VWA8: variants seen among roughly 807,000 people sequenced by gnomAD.
The protein encoded by VWA8 is von Willebrand factor A domain containing 8, also known as von Willebrand factor A domain-containing protein 8.
VWA8 carries 221 observed loss-of-function variants against 241.5 expected under a neutral mutation model. The ratio of observed to expected loss-of-function variants is 0.91; its 90% CI spans 0.82 to 1.02. The LOEUF is 1.02. Among genes scored for constraint, VWA8 ranks in the 50% least tolerant of loss-of-function variants. VWA8 has a pLI of 0.00. For missense variants in VWA8, 2,322 were observed against 2,328.7 expected, an observed-to-expected ratio of 1.00 and a Z score of 0.06; for synonymous variants, 852 against 827.1, an observed-to-expected ratio of 1.03 and a Z score of -0.52.
chr13:41,884,665 T>C lies in VWA8; in HGVS notation c.976-1174A>G, dbSNP rs149047218. On this transcript the variant is annotated intron_variant, in intron 8 of 44. Coordinates refer to ENST00000379310, the MANE Select transcript of VWA8 (RefSeq NM_015058.2). ...TGTAGGTGAGGGGATTATGAATGTT[T>C]TACTGTTTTTCAACTTTTTTTTACA... is the stretch of plus-strand genomic sequence containing the variant. 3.5e-4 allele frequency among the ~76,000 whole-genome samples: 53 copies of C among 152,314 alleles called. 2 individuals carry two copies. Among genetic ancestry groups the C allele is most frequent in the African/African-American group, 1.3e-3 (52 of 41,576 alleles).
chr13:41,780,622 T>G (rs938578629), intron 19 of VWA8, among the ~76,000 whole-genome samples: 1 of 152,174 alleles, frequency 6.6e-6, no homozygotes, highest in African/African-American at 2.4e-5. Context: ...TAGCCTAGAT[T>G]TGTATCAGCT....
intron 2 of VWA8, among the ~76,000 whole-genome samples, chr13:41,938,305 G>A (rs1023588991): frequency 6.6e-6 from 1 of 152,114 alleles, no homozygotes; most frequent in Non-Finnish European, 1.5e-5. Flanking sequence ...TTCAGAACAC[G>A]TTCAAGGGCT....
intron 16 of VWA8, among the ~76,000 whole-genome samples, chr13:41,816,084 T>C (rs532497507): frequency 1.3e-5 from 2 of 152,294 alleles, no homozygotes; most frequent in East Asian, 1.9e-4. Flanking sequence ...GTACAAGATA[T>C]GTGAATTTAC....
intron 37 of VWA8, among the ~76,000 whole-genome samples, chr13:41,643,688 G>A (rs927628945): frequency 6.6e-6 from 1 of 152,228 alleles, no homozygotes; most frequent in Non-Finnish European, 1.5e-5. Context: ...GCCTAGGGCT[G>A]TACAGGGTAG....
At chr13:41,569,252 T>TCAAA (rs1283975807) in intron 44 of VWA8, among the ~76,000 whole-genome samples, 2 of 152,376 alleles carry the variant, frequency 1.3e-5, no homozygotes, top group South Asian at 2.1e-4. Context: ...TCTTAAGTAT[T>TCAAA]CAAACAGGAT....
intron 4 of VWA8, among the ~76,000 whole-genome samples, chr13:41,904,708 C>A (rs910056055): frequency 6.6e-6 from 1 of 152,092 alleles, no homozygotes; most frequent in African/African-American, 2.4e-5. Flanking sequence ...TAAATCTTCA[C>A]ATAAGTTTTA....
chr13:41,841,406 A>G (rs894720834), intron 12 of VWA8, among the ~76,000 whole-genome samples: 1 of 152,200 alleles, frequency 6.6e-6, no homozygotes, highest in Non-Finnish European at 1.5e-5. Flanking sequence ...CAAAACATAT[A>G]AAAAAGATTG....
chr13:41,607,928 C>T (rs576859367), intron 39 of VWA8, among the ~76,000 whole-genome samples: 11 of 152,020 alleles, frequency 7.2e-5, no homozygotes, highest in African/African-American at 2.7e-4. Flanking sequence ...AAAAGCCTAA[C>T]CACAACACAA....
At position 41,689,704 on chromosome 13, in the gene VWA8, A is replaced by T. The variant is rs187515203; in HGVS notation, c.3977-196T>A. Among the ~76,000 whole-genome samples, 311 of 152,212 alleles carry T rather than the reference A, an allele frequency of 2.0e-3. 3 individuals are homozygous for T. The highest frequency in any genetic ancestry group is 0.019 in the Admixed American group (284 of 15,272). ...AAGGCATCTTCCCAAAGTGATTTCA[A>T]GTATTTACAGAATTCAAAATTTTAT... On this transcript the variant is annotated intron_variant, in intron 33 of 44. Transcript: ENST00000379310.
intron 34 of VWA8, among the ~76,000 whole-genome samples, chr13:41,687,786 C>A: frequency 6.6e-6 from 1 of 152,060 alleles, no homozygotes; most frequent in Non-Finnish European, 1.5e-5. Context: ...TTAACAAATA[C>A]TCATTAAATA....
chr13:41,695,898 T>G (rs2045213020), intron 29 of VWA8, among the ~76,000 whole-genome samples: 1 of 152,224 alleles, frequency 6.6e-6, no homozygotes, highest in Non-Finnish European at 1.5e-5. Context: ...ATAAAACTCT[T>G]GCTGAGAACC....
At chr13:41,655,395 T>TA (rs1265340387) in intron 37 of VWA8, among the ~76,000 whole-genome samples, 1 of 152,028 alleles carries the variant, frequency 6.6e-6, no homozygotes, top group Non-Finnish European at 1.5e-5. Context: ...AGCCAGTATT[T>TA]AGAGGTAATG....
chr13:41,767,076 T>C (rs1379604387), intron 20 of VWA8, among the ~76,000 whole-genome samples: 1 of 152,216 alleles, frequency 6.6e-6, no homozygotes, highest in Admixed American at 6.5e-5. Flanking sequence ...ACTTGTTTAC[T>C]GTGGGCCTGC....
At chr13:41,647,903 C>T (rs1444366686) in intron 37 of VWA8, among the ~76,000 whole-genome samples, 1 of 152,022 alleles carries the variant, frequency 6.6e-6, no homozygotes, top group Non-Finnish European at 1.5e-5. Context: ...GCAGGAGAAT[C>T]GCCTAAACCC....
chr13:41,913,892 A>C (rs1381097107), intron 2 of VWA8, among the ~76,000 whole-genome samples: 1 of 152,220 alleles, frequency 6.6e-6, no homozygotes, highest in Admixed American at 6.5e-5. Flanking sequence ...CCCTAGCGGG[A>C]TAAAAGTTGG....
intron 14 of VWA8, 91 bp from the exon 15 acceptor site, chr13:41,819,477 A>G (rs1870854238): frequency 3.1e-6 from 4 of 1,309,066 alleles, no homozygotes; most frequent in Middle Eastern, 2.1e-4. Flanking sequence ...CGTTAGGGCT[A>G]TCATACTGTT....
At chr13:41,576,813 G>A (rs2139636697) in intron 42 of VWA8, among the ~76,000 whole-genome samples, 1 of 152,388 alleles carries the variant, frequency 6.6e-6, no homozygotes, top group South Asian at 2.1e-4. Context: ...GTTCCTGGAA[G>A]TTCTGTGCTA....
chr13:41,871,837 G>A (rs1873638787), intron 9 of VWA8, among the ~76,000 whole-genome samples: 1 of 152,108 alleles, frequency 6.6e-6, no homozygotes, highest in Non-Finnish European at 1.5e-5. Context: ...GGGATGGCTG[G>A]GTCAAATGGT....
At chr13:41,794,842 G>A (rs1304106173) in intron 17 of VWA8, among the ~76,000 whole-genome samples, 1 of 151,952 alleles carries the variant, frequency 6.6e-6, no homozygotes, top group African/African-American at 2.4e-5. Flanking sequence ...CAAAACCATA[G>A]AAACCCTGGA....
Sources: gnomAD v4.1 joint callset for allele counts (sites outside exome capture counted in the v4.1 genomes callset) on GRCh38, gnomAD v4.1.1 for gene constraint, MANE v1.5 for transcripts, NCBI Gene and HGNC (gene_info 2026-07-23, HGNC 2026-07-21) for gene names.